Variants in CAMK1D observed in about 807,000 individuals in gnomAD.
CAMK1D encodes the protein calcium/calmodulin-dependent protein kinase type 1D.
A neutral mutation model predicts 47.7 loss-of-function variants in CAMK1D; 9 were observed. That is an observed-to-expected ratio of 0.19 (90% confidence interval 0.11 to 0.33). The LOEUF is 0.33. Among genes scored for constraint, CAMK1D ranks in the 10% least tolerant of loss-of-function variants. The pLI is 1.00. For missense variants in CAMK1D, 291 were observed against 488.7 expected (o/e 0.60, Z 3.81); for synonymous variants, 184 against 184.9 (o/e 0.99, Z 0.04).
chr10:12,812,093 G>A (rs1185850883), intron 6 of CAMK1D, among the ~76,000 whole-genome samples: 4 of 152,258 alleles, frequency 2.6e-5, no homozygotes, highest in Admixed American at 6.5e-5. Flanking sequence ...CCTGCGCAGC[G>A]ATGGCTGGCG....
rs1029617925 is a variant in CAMK1D at position 12,830,816 on chromosome 10, C to T, written c.*1929C>T. The T allele has an allele frequency of 7.0e-6, 1 of 142,658 alleles. No homozygotes were observed. Among genetic ancestry groups the T allele is most frequent in the South Asian group, 2.4e-4 (1 of 4,168 alleles). The allele number at this position is 142,658 out of a possible 1,614,324, so 8.8% of individuals were successfully genotyped here. A position where few individuals can be genotyped will look rare whatever the true frequency, so the allele number is the denominator to read the frequency against. On this transcript the variant is annotated 3_prime_UTR_variant, in exon 11 of 11. Transcript: ENST00000619168. ...GGCTGTGTCCTCATGCCCTCTTCCT[C>T]TGGCTGGCCAGTCATGGGAAGTCCT...
At chr10:12,490,934 G>T (rs1285202145) in intron 1 of CAMK1D, among the ~76,000 whole-genome samples, 1 of 152,120 alleles carries the variant, frequency 6.6e-6, no homozygotes, top group Non-Finnish European at 1.5e-5. Flanking sequence ...CAACGATTAG[G>T]TATCCATAAA....
intron 1 of CAMK1D, among the ~76,000 whole-genome samples, chr10:12,371,508 G>A (rs1344523602): frequency 1.3e-5 from 2 of 151,016 alleles, no homozygotes; most frequent in African/African-American, 2.4e-5. Context: ...CCCAGTAGGC[G>A]GAGGTTGCAG....
At chr10:12,423,835 A>T (rs76488693) in intron 1 of CAMK1D, among the ~76,000 whole-genome samples, 4 of 152,166 alleles carry the variant, frequency 2.6e-5, no homozygotes, top group Non-Finnish European at 4.4e-5. Context: ...CAAAATCTAG[A>T]AAAAGGCCCT....
At chr10:12,518,880 T>G (rs1835294386) in intron 1 of CAMK1D, among the ~76,000 whole-genome samples, 1 of 127,992 alleles carries the variant, frequency 7.8e-6, no homozygotes, top group South Asian at 2.9e-4. Flanking sequence ...GTCTCCCATA[T>G]CTACTTCTTT....
intron 6 of CAMK1D, among the ~76,000 whole-genome samples, chr10:12,793,204 T>G (rs1045031446): frequency 5.3e-5 from 8 of 152,182 alleles, no homozygotes; most frequent in Non-Finnish European, 7.3e-5. Context: ...CTGGTATCAG[T>G]CATCTAGAGA....
chr10:12,483,525 A>G (rs543447694), intron 1 of CAMK1D, among the ~76,000 whole-genome samples: 2 of 152,142 alleles, frequency 1.3e-5, no homozygotes, highest in South Asian at 2.1e-4. Context: ...TTAAAAATTT[A>G]TTTATAAATT....
rs553006156 is a variant in CAMK1D at position 12,350,371 on chromosome 10, G to T, written c.92+461G>T. On this transcript the variant is annotated intron_variant, in intron 1 of 10. Transcript: ENST00000619168. ...TGTCCTTACATCATGTATTTCTATG[G>T]AATTGGCATCTGCACGTACGAGGTG... Among the ~76,000 whole-genome samples the T allele has an allele frequency of 2.0e-5, 3 of 152,374 alleles. No individual in the cohort carries two copies. The South Asian group carries it at 6.2e-4, about 32-fold the overall frequency.
Position 12,727,869 on chromosome 10 carries a change from G to A in CAMK1D, c.300-33079G>A, listed in dbSNP as rs546298408. On this transcript the variant is annotated intron_variant, in intron 3 of 10. Coordinates refer to ENST00000619168, the MANE Select transcript of CAMK1D (RefSeq NM_153498.4). ...CAACCTCTGCCTCCTGGGTTCAGGC[G>A]ATTCTTCTGCCTCAGCATCCTGAGT... is the stretch of plus-strand genomic sequence containing the variant. 1.4e-4 allele frequency among the ~76,000 whole-genome samples: 21 copies of A among 151,754 alleles called. No homozygotes were observed. In the South Asian group the frequency reaches 3.8e-3, roughly 27 times the overall value.
intron 1 of CAMK1D, among the ~76,000 whole-genome samples, chr10:12,417,963 G>A (rs184257062): frequency 7.2e-5 from 11 of 152,094 alleles, no homozygotes; most frequent in East Asian, 1.9e-4. Flanking sequence ...CACCACACCC[G>A]GCTAATTTTT....
At chr10:12,464,740 G>T (rs998900166) in intron 1 of CAMK1D, among the ~76,000 whole-genome samples, 11 of 151,830 alleles carry the variant, frequency 7.2e-5, no homozygotes, top group Admixed American at 4.6e-4. Flanking sequence ...GCATGAACCC[G>T]GGAGGCGGAG....
At chr10:12,734,888 G>C (rs575585135) in intron 3 of CAMK1D, among the ~76,000 whole-genome samples, 103 of 152,318 alleles carry the variant, frequency 6.8e-4, no homozygotes, top group Non-Finnish European at 1.2e-3. Flanking sequence ...TTGGGCATTT[G>C]GACAGGTCTC....
chr10:12,421,699 T>C (rs1417949761), intron 1 of CAMK1D, among the ~76,000 whole-genome samples: 2 of 142,120 alleles, frequency 1.4e-5, no homozygotes, highest in Admixed American at 7.0e-5. Flanking sequence ...CTAATTTTTA[T>C]ATTTTTAGTA....
chr10:12,558,445 T>C lies in CAMK1D; in HGVS notation c.224+5089T>C, dbSNP rs964819477. 3.8e-4 allele frequency among the ~76,000 whole-genome samples: 57 copies of C among 151,996 alleles called. 1 individual carries two copies. Among genetic ancestry groups the C allele is most frequent in the Admixed American group, 3.5e-3 (54 of 15,260 alleles). On this transcript the variant is annotated intron_variant, in intron 2 of 10. Transcript: ENST00000619168. ...GGCGCATACCTATAATCACAGCTAC[T>C]TGGGAGGCTGAGGCAGGAGAATTGT... is the stretch of plus-strand genomic sequence containing the variant.
chr10:12,727,612 C>T lies in CAMK1D; in HGVS notation c.300-33336C>T, dbSNP rs59081700. On this transcript the variant is annotated intron_variant, in intron 3 of 10. Coordinates refer to ENST00000619168, the MANE Select transcript of CAMK1D (RefSeq NM_153498.4). ...ATCATGGAGGTTCCTGGAAACACAC[C>T]ACAGCCTGAAACACAACTGCCAGCA... 6.2e-3 allele frequency among the ~76,000 whole-genome samples: 937 copies of T among 152,266 alleles called. 10 individuals carry two copies. Among genetic ancestry groups the T allele is most frequent in the African/African-American group, 0.022 (898 of 41,550 alleles).
At chr10:12,425,583 A>G (rs540158166) in intron 1 of CAMK1D, among the ~76,000 whole-genome samples, 1 of 152,116 alleles carries the variant, frequency 6.6e-6, no homozygotes, top group African/African-American at 2.4e-5. Flanking sequence ...CCCTCAGCCA[A>G]GGTGCCCCTT....
chr10:12,420,196 G>C (rs1840001821), intron 1 of CAMK1D, among the ~76,000 whole-genome samples: 1 of 152,212 alleles, frequency 6.6e-6, no homozygotes, highest in Admixed American at 6.5e-5. Context: ...CTGACCTTGT[G>C]ATCTGTCCGT....
intron 1 of CAMK1D, among the ~76,000 whole-genome samples, chr10:12,420,323 G>A (rs1215579382): frequency 6.6e-6 from 1 of 152,210 alleles, no homozygotes; most frequent in Non-Finnish European, 1.5e-5. Flanking sequence ...TGATGTAGTA[G>A]TAGTAGTCCT....
At chr10:12,815,882 A>G (rs907960331) in intron 7 of CAMK1D, among the ~76,000 whole-genome samples, 3 of 152,248 alleles carry the variant, frequency 2.0e-5, no homozygotes, top group African/African-American at 4.8e-5. Context: ...CATTTAACAC[A>G]TGGAGATGAT....
Sources: allele counts gnomAD v4.1 joint callset (sites outside exome capture counted in the v4.1 genomes callset), GRCh38; gene constraint gnomAD v4.1.1; transcripts MANE v1.5; gene names NCBI Gene and HGNC (gene_info 2026-07-23, HGNC 2026-07-21).